The following LEKR1 variants were observed in gnomAD, a reference collection of about 807,000 sequenced individuals.
The protein encoded by LEKR1 is leucine, glutamate and lysine rich 1.
In LEKR1, 59 loss-of-function variants were observed where a neutral mutation model predicts 72.4. The ratio of observed to expected loss-of-function variants is 0.82; its 90% CI spans 0.66 to 1.01. LEKR1 has a LOEUF of 1.01. Ranked by LOEUF, LEKR1 falls within the 50% of genes least tolerant of loss-of-function variation. The pLI is 0.00. For synonymous variants in LEKR1, 257 were observed against 263.2 expected (o/e 0.98, Z 0.23); for missense variants, 728 against 759.2 (o/e 0.96, Z 0.48).
At chr3:157,001,160 AC>A (rs1175455885) in intron 9 of LEKR1, among the ~76,000 whole-genome samples, 1 of 152,238 alleles carries the variant, frequency 6.6e-6, no homozygotes, top group Non-Finnish European at 1.5e-5. Context: ...ACATACTATT[AC>A]AGATGCTAAT....
Position 156,967,480 on chromosome 3 carries a change from A to G in LEKR1, c.746-11714A>G, listed in dbSNP as rs542933768. On this transcript the variant is annotated intron_variant, in intron 6 of 12. Transcript: ENST00000356539. ...GGCACGAGAACTATGTGATGAATGC[A>G]CAAGCCTCATTAGCCGATTTGATCA... Among the ~76,000 whole-genome samples, 3 of 152,372 alleles carry G rather than the reference A, an allele frequency of 2.0e-5. 1 individual carries two copies. In the South Asian group the frequency reaches 6.2e-4, roughly 32 times the overall value.
intron 9 of LEKR1, among the ~76,000 whole-genome samples, chr3:157,007,469 T>C (rs1732550758): frequency 6.6e-6 from 1 of 152,236 alleles, no homozygotes; most frequent in Non-Finnish European, 1.5e-5. Context: ...TCCTTTAGCG[T>C]AGGCTTCCCG....
chr3:156,914,797 G>A (rs62275799), intron 3 of LEKR1, among the ~76,000 whole-genome samples: 4,849 of 151,856 alleles, frequency 0.032, 115 homozygotes, highest in Non-Finnish European at 0.047. Flanking sequence ...TTAAAATTAC[G>A]CTTTTATTTT....
chr3:156,944,716 A>G (rs151323814), intron 6 of LEKR1, among the ~76,000 whole-genome samples: 152 of 151,804 alleles, frequency 1.0e-3, no homozygotes, highest in African/African-American at 3.5e-3. Context: ...AATGACCCCC[A>G]GTTTCATCTG....
intron 6 of LEKR1, among the ~76,000 whole-genome samples, chr3:156,954,541 A>G (rs1355051861): frequency 6.6e-6 from 1 of 151,742 alleles, no homozygotes; most frequent in African/African-American, 2.4e-5. Context: ...TGTATATGGC[A>G]TAAGAAAGGG....
chr3:156,932,394 A>G (rs1460293070), intron 5 of LEKR1, among the ~76,000 whole-genome samples: 1 of 152,170 alleles, frequency 6.6e-6, no homozygotes, highest in African/African-American at 2.4e-5. Context: ...ATTTAGGCAA[A>G]TAGAGGAATA....
At chr3:156,874,654 G>A (rs1013124086) in intron 3 of LEKR1, among the ~76,000 whole-genome samples, 1 of 151,950 alleles carries the variant, frequency 6.6e-6, no homozygotes, top group African/African-American at 2.4e-5. Context: ...AGTATACACT[G>A]TACCCAGTGT....
chr3:157,029,044 C>A (rs1264369207), intron 12 of LEKR1, among the ~76,000 whole-genome samples: 2 of 152,096 alleles, frequency 1.3e-5, no homozygotes, highest in African/African-American at 4.8e-5. Context: ...TATCACATTA[C>A]AATATTTGAT....
rs867192209 is a variant in LEKR1, at chr3:157,028,119, C to CA, written c.1386dup (p.Gly463ArgfsTer14). 6 of 1,577,116 alleles carry CA rather than the reference C, an allele frequency of 3.8e-6. No individual in the cohort carries two copies. In the African/African-American group the frequency reaches 8.2e-5, roughly 22 times the overall value. On this transcript the variant is annotated frameshift_variant, in exon 12 of 13. Transcript: ENST00000356539. LOFTEE classifies it high-confidence loss of function. ...ATCTTACAGATATCTGACTTAATCA[C>CA]AGGCGCTACAAGAGATCTAAGGCAG... is the stretch of plus-strand genomic sequence containing the variant.
intron 7 of LEKR1, among the ~76,000 whole-genome samples, chr3:156,986,253 G>A (rs945967556): frequency 6.6e-6 from 1 of 152,216 alleles, no homozygotes; most frequent in African/African-American, 2.4e-5. Context: ...GAGTTTCTGA[G>A]GAGTTTGGAT....
At chr3:156,918,928 G>C (rs898598078) in intron 3 of LEKR1, among the ~76,000 whole-genome samples, 1 of 152,124 alleles carries the variant, frequency 6.6e-6, no homozygotes. Context: ...GCATTGTTGC[G>C]AGGTACGGCC....
chr3:157,045,267 A>G, intron 12 of LEKR1, 73 bp from the exon 13 acceptor site: 2 of 1,253,726 alleles, frequency 1.6e-6, no homozygotes, highest in Non-Finnish European at 1.1e-6. Flanking sequence ...CTCAAATTGT[A>G]TTGTCCGTAA....
rs1420357029 is a variant in LEKR1 at position 157,036,879 on chromosome 3, G to A, written c.1669-8461G>A. 3.9e-5 allele frequency among the ~76,000 whole-genome samples: 6 copies of A among 152,246 alleles called. No individual in the cohort carries two copies. The South Asian group carries it at 1.0e-3, about 26-fold the overall frequency. On this transcript the variant is annotated intron_variant, in intron 12 of 12. Transcript: ENST00000356539. ...GGATATTTACACTTCTGTAAGTTTG[G>A]TGAAAAATTAATATCAACACCCAGA...
At chr3:157,025,520 T>A (rs906820013) in intron 11 of LEKR1, among the ~76,000 whole-genome samples, 4 of 152,126 alleles carry the variant, frequency 2.6e-5, no homozygotes, top group African/African-American at 9.7e-5. Context: ...TTTGAATACA[T>A]GCATTAAGAG....
intron 3 of LEKR1, among the ~76,000 whole-genome samples, chr3:156,866,910 A>G (rs17381930): frequency 0.032 from 4,835 of 152,146 alleles, 117 homozygotes; most frequent in Non-Finnish European, 0.047. Context: ...TAAATGCCCA[A>G]CAAGTGTTTC....
intron 2 of LEKR1, among the ~76,000 whole-genome samples, chr3:156,850,112 G>A (rs919711276): frequency 5.3e-5 from 8 of 151,832 alleles, no homozygotes; most frequent in South Asian, 2.1e-4. Flanking sequence ...ATGAACAGAT[G>A]CTTCTCAAAA....
intron 3 of LEKR1, among the ~76,000 whole-genome samples, chr3:156,873,827 A>G (rs549704835): frequency 2.0e-5 from 3 of 152,040 alleles, no homozygotes; most frequent in Non-Finnish European, 4.4e-5. Context: ...ATATCATCCC[A>G]TTCTTTCCTG....
At chr3:156,952,434 A>T (rs1727242685) in intron 6 of LEKR1, among the ~76,000 whole-genome samples, 1 of 151,272 alleles carries the variant, frequency 6.6e-6, no homozygotes, top group Non-Finnish European at 1.5e-5. Flanking sequence ...GAAGTTTTGG[A>T]GTTTAGCTTT....
At chr3:156,843,488 A>C (rs1195065362) in intron 2 of LEKR1, among the ~76,000 whole-genome samples, 2 of 152,098 alleles carry the variant, frequency 1.3e-5, no homozygotes, top group Non-Finnish European at 2.9e-5. Flanking sequence ...AAAAAAAGAG[A>C]CCAGAGTTGT....
Sources: allele counts gnomAD v4.1 joint callset (sites outside exome capture counted in the v4.1 genomes callset), GRCh38; gene constraint gnomAD v4.1.1; transcripts MANE v1.5; gene names NCBI Gene and HGNC (gene_info 2026-07-23, HGNC 2026-07-21).